Variants in ABCB11 observed in about 807,000 individuals in gnomAD.
ABCB11 encodes the protein ATP binding cassette subfamily B member 11.
Under a neutral mutation model 148.0 loss-of-function variants are expected in ABCB11, and 95 were observed. The observed-to-expected ratio is 0.64, with a 90% CI of 0.54 to 0.76. The LOEUF is 0.76. Ranked by LOEUF, ABCB11 falls within the 30% of genes least tolerant of loss-of-function variation. The pLI, the probability that ABCB11 is intolerant of heterozygous loss-of-function variation, is 0.00. For missense variants in ABCB11, 1,523 were observed against 1,617.8 expected (o/e 0.94, Z 1.01); for synonymous variants, 591 against 555.4 (o/e 1.06, Z -0.90).
At chr2:168,929,583 T>C (rs1691473401) in intron 25 of ABCB11, among the ~76,000 whole-genome samples, 1 of 152,204 alleles carries the variant, frequency 6.6e-6, no homozygotes, top group African/African-American at 2.4e-5. Flanking sequence ...CAGAATGTGC[T>C]CTGAATTCTT....
chr2:168,987,049 A>C (rs1332343306), intron 9 of ABCB11, among the ~76,000 whole-genome samples: 1 of 152,180 alleles, frequency 6.6e-6, no homozygotes, highest in Non-Finnish European at 1.5e-5. Flanking sequence ...ACAATAAAAG[A>C]TAATGTCTTT....
At chr2:168,931,955 G>GCA (rs1392008511) in intron 24 of ABCB11, among the ~76,000 whole-genome samples, 1 of 152,080 alleles carries the variant, frequency 6.6e-6, no homozygotes, top group Non-Finnish European at 1.5e-5. Flanking sequence ...TGGCTGTCCT[G>GCA]CACACACATA....
intron 19 of ABCB11, among the ~76,000 whole-genome samples, chr2:168,950,024 C>T (rs1037347140): frequency 4.6e-5 from 7 of 151,180 alleles, no homozygotes; most frequent in Non-Finnish European, 8.9e-5. Context: ...CTTCCTTGCC[C>T]CTCAAGCTTG....
At chr2:168,973,014 G>A (rs546774592) in intron 13 of ABCB11, among the ~76,000 whole-genome samples, 5 of 152,032 alleles carry the variant, frequency 3.3e-5, no homozygotes, top group Admixed American at 1.3e-4. Context: ...TAAATAAATG[G>A]CAATTACTAA....
intron 17 of ABCB11, among the ~76,000 whole-genome samples, chr2:168,965,100 T>G (rs1693241297): frequency 6.6e-6 from 1 of 151,856 alleles, no homozygotes; most frequent in Non-Finnish European, 1.5e-5. Context: ...AAGAAATGTA[T>G]GGCAGGTGTT....
At chr2:168,938,752 A>G (rs1691938786) in intron 21 of ABCB11, among the ~76,000 whole-genome samples, 1 of 152,282 alleles carries the variant, frequency 6.6e-6, no homozygotes, top group African/African-American at 2.4e-5. Flanking sequence ...CAGGCATTAC[A>G]GAGGACTTGA....
intron 22 of ABCB11, 49 bp from the exon 23 acceptor site, chr2:168,935,474 T>A: frequency 1.3e-6 from 2 of 1,562,294 alleles, no homozygotes; most frequent in Non-Finnish European, 1.7e-6. Context: ...AAATAACTCC[T>A]TTCGTGACAT....
Position 168,995,501 on chromosome 2 carries a change from A to C in ABCB11, c.478-19T>G. On this transcript the variant is annotated intron_variant, in intron 6 of 27. Transcript: ENST00000650372. ...AGCATATCTGGAAATGGACAAAGGA[A>C]TGTTTAGCATTGCAATGTTTGAAAT... The C allele has an allele frequency of 6.2e-7, 1 of 1,602,088 alleles. No individual in the cohort carries two copies. Among genetic ancestry groups the C allele is most frequent in the Non-Finnish European group, 8.5e-7 (1 of 1,175,364 alleles).
chr2:169,028,407 G>C (rs1695764700), intron 1 of ABCB11, among the ~76,000 whole-genome samples: 1 of 152,116 alleles, frequency 6.6e-6, no homozygotes, highest in Non-Finnish European at 1.5e-5. Context: ...AGGCTCTGGA[G>C]CAAGTGCTTA....
At chr2:168,999,794 G>A (rs1344399319) in intron 5 of ABCB11, among the ~76,000 whole-genome samples, 1 of 152,102 alleles carries the variant, frequency 6.6e-6, no homozygotes, top group African/African-American at 2.4e-5. Flanking sequence ...TTTGTGTATA[G>A]GTTTTTATGT....
intron 12 of ABCB11, 77 bp downstream of exon 12, chr2:168,976,500 T>G: frequency 2.4e-6 from 2 of 829,164 alleles, no homozygotes; most frequent in Non-Finnish European, 3.7e-6. Flanking sequence ...CTTCAGAAAA[T>G]GAGCAATTTG....
intron 1 of ABCB11, among the ~76,000 whole-genome samples, chr2:169,018,472 T>C (rs770625090): frequency 3.9e-5 from 6 of 152,206 alleles, no homozygotes; most frequent in East Asian, 1.9e-4. Context: ...TGCTTATCTG[T>C]GCTTTATTTA....
intron 7 of ABCB11, 148 bp downstream of exon 7, chr2:168,995,201 T>C (rs1694674186): frequency 7.8e-6 from 7 of 899,634 alleles, no homozygotes; most frequent in Non-Finnish European, 1.1e-5. Flanking sequence ...GTATTACTTA[T>C]GAAAAAGCCA....
rs771042165 is a variant in ABCB11, at chr2:169,013,259, A to G, written c.389+13T>C. 1 of 1,577,896 alleles carries G rather than the reference A, an allele frequency of 6.3e-7. No individual in the cohort carries two copies. Among genetic ancestry groups the G allele is most frequent in the Middle Eastern group, 1.7e-4 (1 of 5,882 alleles). On this transcript the variant is annotated intron_variant, in intron 5 of 27. Coordinates refer to ENST00000650372, the MANE Select transcript of ABCB11 (RefSeq NM_003742.4). The stretch of plus-strand genomic sequence containing the variant: ...AGCAAAAAAGTAAAAAATTAAAAAC[A>G]AAAACAACCTACCCACAACGTGTTC...
At chr2:168,983,131 T>A (rs1376849884) in intron 10 of ABCB11, among the ~76,000 whole-genome samples, 1 of 152,164 alleles carries the variant, frequency 6.6e-6, no homozygotes, top group Non-Finnish European at 1.5e-5. Flanking sequence ...CAGTTGGTAT[T>A]GTGTATTATT....
intron 3 of ABCB11, among the ~76,000 whole-genome samples, chr2:169,014,880 A>G (rs1204526902): frequency 1.3e-5 from 2 of 152,090 alleles, no homozygotes; most frequent in African/African-American, 4.8e-5. Flanking sequence ...GCCATGTTTA[A>G]CCTGTATTTG....
rs1691068501 is a variant in ABCB11 at position 168,921,315 on chromosome 2, GC to G, written c.*2306del. 6.6e-6 allele frequency among the ~76,000 whole-genome samples: 1 copy of G among 152,088 alleles called. No homozygotes were observed. Among genetic ancestry groups the G allele is most frequent in the Non-Finnish European group, 1.5e-5 (1 of 68,018 alleles). ...TATACCTCCATATCCTAGTGTCCTG[GC>G]TTAATTTATAGGCAGAATTTCGTTT... On this transcript the variant is annotated 3_prime_UTR_variant, in exon 28 of 28. Transcript: ENST00000650372.
intron 23 of ABCB11, among the ~76,000 whole-genome samples, chr2:168,934,262 G>A (rs548288324): frequency 9.9e-5 from 15 of 152,220 alleles, no homozygotes; most frequent in African/African-American, 3.6e-4. Flanking sequence ...TGGAGTGGGA[G>A]AGAAGTGCTG....
chr2:168,971,336 C>A (rs2105962462), intron 14 of ABCB11, among the ~76,000 whole-genome samples: 1 of 152,092 alleles, frequency 6.6e-6, no homozygotes, highest in Non-Finnish European at 1.5e-5. Context: ...CCATCGGTGG[C>A]AAAATCCATT....
Sources: allele counts gnomAD v4.1 joint callset (sites outside exome capture counted in the v4.1 genomes callset), GRCh38; gene constraint gnomAD v4.1.1; transcripts MANE v1.5; gene names NCBI Gene and HGNC (gene_info 2026-07-23, HGNC 2026-07-21).